Variants in ABHD17C observed in about 807,000 individuals in gnomAD.
ABHD17C encodes the protein abhydrolase domain containing 17C, depalmitoylase, also known as alpha/beta hydrolase domain-containing protein 17C.
In ABHD17C, 11 loss-of-function variants were observed where a neutral mutation model predicts 27.9. The ratio of observed to expected loss-of-function variants is 0.39; its 90% CI spans 0.25 to 0.65. The LOEUF is 0.65. Ranked by LOEUF, ABHD17C falls within the 30% of genes least tolerant of loss-of-function variation. The pLI is 0.45. For missense variants in ABHD17C, 280 were observed against 470.2 expected (o/e 0.60, Z 3.74); for synonymous variants, 233 against 209.1 (o/e 1.11, Z -0.98).
At chr15:80,723,099 G>C (rs896077051) in intron 1 of ABHD17C, among the ~76,000 whole-genome samples, 1 of 151,572 alleles carries the variant, frequency 6.6e-6, no homozygotes, top group Admixed American at 6.6e-5. Flanking sequence ...CAAGGATACT[G>C]AGGGATGGCT....
chr15:80,721,078 A>C (rs1278492680), intron 1 of ABHD17C, among the ~76,000 whole-genome samples: 2 of 151,920 alleles, frequency 1.3e-5, no homozygotes, highest in Non-Finnish European at 2.9e-5. Context: ...AACTTCTATT[A>C]TACTGACCTC....
At chr15:80,707,121 A>G (rs1220252606) in intron 1 of ABHD17C, among the ~76,000 whole-genome samples, 1 of 152,264 alleles carries the variant, frequency 6.6e-6, no homozygotes, top group Non-Finnish European at 1.5e-5. Flanking sequence ...GAGAAATGGC[A>G]TATAAATTTA....
intron 1 of ABHD17C, among the ~76,000 whole-genome samples, chr15:80,731,159 G>C (rs1463761851): frequency 6.6e-6 from 1 of 152,206 alleles, no homozygotes; most frequent in Non-Finnish European, 1.5e-5. Flanking sequence ...GTCCTTGACA[G>C]ACGGGTGGGG....
intron 1 of ABHD17C, among the ~76,000 whole-genome samples, chr15:80,740,770 C>T (rs559286825): frequency 2.0e-5 from 3 of 152,278 alleles, no homozygotes; most frequent in African/African-American, 7.2e-5. Flanking sequence ...GACCCAAGGG[C>T]CAGCTGTACA....
chr15:80,742,195 G>A (rs1430553365), intron 1 of ABHD17C, among the ~76,000 whole-genome samples: 1 of 152,096 alleles, frequency 6.6e-6, no homozygotes, highest in Non-Finnish European at 1.5e-5. Flanking sequence ...GATTATGGAG[G>A]CCAAGTCCAT....
At chr15:80,733,319 G>A (rs1023877383) in intron 1 of ABHD17C, among the ~76,000 whole-genome samples, 17 of 152,124 alleles carry the variant, frequency 1.1e-4, no homozygotes, top group Admixed American at 9.2e-4. Context: ...TCAGACGATG[G>A]CATCAAGCAG....
chr15:80,718,863 A>C (rs1406403112), intron 1 of ABHD17C, among the ~76,000 whole-genome samples: 1 of 152,228 alleles, frequency 6.6e-6, no homozygotes, highest in Non-Finnish European at 1.5e-5. Flanking sequence ...GAGAGAGATA[A>C]TAACTTTGTG....
chr15:80,732,312 A>G (rs1895068005), intron 1 of ABHD17C, among the ~76,000 whole-genome samples: 2 of 152,248 alleles, frequency 1.3e-5, no homozygotes, highest in African/African-American at 4.8e-5. Flanking sequence ...TGCTTCTGCC[A>G]GCTTCTGTAA....
intron 1 of ABHD17C, among the ~76,000 whole-genome samples, chr15:80,714,638 T>C (rs1289874919): frequency 3.9e-5 from 6 of 152,346 alleles, no homozygotes; most frequent in Non-Finnish European, 7.3e-5. Context: ...CCAGAACTTA[T>C]ATTTTGGCTT....
chr15:80,713,049 A>G (rs183214012), intron 1 of ABHD17C, among the ~76,000 whole-genome samples: 29 of 149,882 alleles, frequency 1.9e-4, no homozygotes, highest in African/African-American at 7.1e-4. Context: ...TTCCACTCAC[A>G]CTCCACCCCC....
chr15:80,745,220 C>T (rs1323404337), intron 1 of ABHD17C, among the ~76,000 whole-genome samples: 2 of 152,158 alleles, frequency 1.3e-5, no homozygotes, highest in Non-Finnish European at 2.9e-5. Flanking sequence ...TCCCTTTTTG[C>T]CTGTAATCAC....
chr15:80,729,536 T>C (rs1163206877), intron 1 of ABHD17C, among the ~76,000 whole-genome samples: 1 of 152,212 alleles, frequency 6.6e-6, no homozygotes, highest in Non-Finnish European at 1.5e-5. Context: ...TTATATATCA[T>C]TCTGATTGCT....
At chr15:80,737,734 G>A (rs1452272092) in intron 1 of ABHD17C, among the ~76,000 whole-genome samples, 1 of 152,174 alleles carries the variant, frequency 6.6e-6, no homozygotes, top group Non-Finnish European at 1.5e-5. Context: ...GAATGGACCT[G>A]TAGGACCCCA....
chr15:80,736,037 G>C (rs1895125713), intron 1 of ABHD17C, among the ~76,000 whole-genome samples: 2 of 152,160 alleles, frequency 1.3e-5, no homozygotes, highest in Admixed American at 1.3e-4. Context: ...GGGTTATAAT[G>C]AGCTGCTTAT....
At chr15:80,740,577 T>A (rs887122274) in intron 1 of ABHD17C, among the ~76,000 whole-genome samples, 1 of 152,088 alleles carries the variant, frequency 6.6e-6, no homozygotes, top group Non-Finnish European at 1.5e-5. Flanking sequence ...TGTGCTCAGG[T>A]ACAGAGACAT....
At chr15:80,708,465 G>A (rs1894679542) in intron 1 of ABHD17C, among the ~76,000 whole-genome samples, 1 of 152,134 alleles carries the variant, frequency 6.6e-6, no homozygotes, top group Admixed American at 6.5e-5. Flanking sequence ...ACAGGCATGT[G>A]CCACCACGCC....
At chr15:80,712,830 A>G (rs139015657) in intron 1 of ABHD17C, among the ~76,000 whole-genome samples, 2 of 152,326 alleles carry the variant, frequency 1.3e-5, no homozygotes, top group South Asian at 2.1e-4. Context: ...CTGACTGCCT[A>G]TCAGCTTCAT....
chr15:80,733,132 C>T (rs918538539), intron 1 of ABHD17C, among the ~76,000 whole-genome samples: 3 of 152,172 alleles, frequency 2.0e-5, no homozygotes, highest in Admixed American at 6.5e-5. Context: ...AGACCTTGTG[C>T]TGTCTGATTG....
chr15:80,738,942 A>C (rs146677332), intron 1 of ABHD17C, among the ~76,000 whole-genome samples: 1 of 152,222 alleles, frequency 6.6e-6, no homozygotes, highest in Non-Finnish European at 1.5e-5. Context: ...GACAAGTTCT[A>C]TTAATACAAG....
Sources: allele counts gnomAD v4.1 joint callset (sites outside exome capture counted in the v4.1 genomes callset), GRCh38; gene constraint gnomAD v4.1.1; transcripts MANE v1.5; gene names NCBI Gene and HGNC (gene_info 2026-07-23, HGNC 2026-07-21).